ARID3A: variants seen among roughly 807,000 people sequenced by gnomAD.
ARID3A encodes AT-rich interaction domain 3A.
In ARID3A, 11 loss-of-function variants were observed where a neutral mutation model predicts 52.7. That is an observed-to-expected ratio of 0.21 (90% CI 0.13 to 0.35). The LOEUF (loss-of-function observed/expected upper bound fraction) is 0.35. Ranked by LOEUF, ARID3A falls within the 10% of genes least tolerant of loss-of-function variation. ARID3A has a pLI of 1.00. For missense variants in ARID3A, 721 were observed against 838.5 expected (o/e 0.86, Z 1.73); for synonymous variants, 404 against 359.4 (o/e 1.12, Z -1.40).
chr19:957,032 G>A (rs373415186), intron 3 of ARID3A, among the ~76,000 whole-genome samples: 9 of 152,154 alleles, frequency 5.9e-5, no homozygotes, highest in Admixed American at 5.2e-4. Flanking sequence ...GCTCCTCCTC[G>A]GCAAATTGGC....
intron 1 of ARID3A, among the ~76,000 whole-genome samples, chr19:926,604 C>G (rs2037204831): frequency 6.6e-6 from 1 of 151,824 alleles, no homozygotes; most frequent in Admixed American, 6.5e-5. Context: ...GCCTCCCCAG[C>G]CGGGCTGGTT....
In ARID3A at chr19:964,188, A is replaced by G; in HGVS notation, c.767-60A>G. 2.1e-6 allele frequency: 3 copies of G among 1,443,776 alleles called. No individual in the cohort carries two copies. Among genetic ancestry groups the G allele is most frequent in the Non-Finnish European group, 2.9e-6 (3 of 1,047,270 alleles). The allele number at this position is 1,443,776 out of a possible 1,614,324, so 89.4% of individuals were successfully genotyped here. ...TGGCATGGAGAGGGCGGAGGCCAGGACACTCGGCTCCCTGCAGTGCCCAGG... is the reference window on the plus strand; with the variant it reads ...TGGCATGGAGAGGGCGGAGGCCAGGGCACTCGGCTCCCTGCAGTGCCCAGG... On this transcript the variant is annotated intron_variant, in intron 4 of 8. Coordinates refer to ENST00000263620, the MANE Select transcript of ARID3A (RefSeq NM_005224.3). The surrounding 1 kb of genome is among the most constrained non-coding windows in gnomAD (Gnocchi z 5.7).
At chr19:945,744 G>T (rs2145400362) in intron 3 of ARID3A, among the ~76,000 whole-genome samples, 1 of 152,330 alleles carries the variant, frequency 6.6e-6, no homozygotes, top group Admixed American at 6.5e-5. Flanking sequence ...CCATTGTGGG[G>T]ACGGCGTCGA....
chr19:964,052 G>T lies in ARID3A; in HGVS notation c.767-196G>T, dbSNP rs1469988714. On this transcript the variant is annotated intron_variant, in intron 4 of 8. Transcript: ENST00000263620. The surrounding 1 kb of genome is among the most constrained non-coding windows in gnomAD (Gnocchi z 5.7). Reference sequence around the variant, plus strand: ...AAACCGAGGCAGAGCTGCCCCCTCTGCACCCTCTCGAGCAGAGGTTCCCAG... The same window carrying T: ...AAACCGAGGCAGAGCTGCCCCCTCTTCACCCTCTCGAGCAGAGGTTCCCAG... 1.3e-5 allele frequency among the ~76,000 whole-genome samples: 2 copies of T among 152,196 alleles called. No individual in the cohort carries two copies. The highest frequency in any genetic ancestry group is 2.9e-5 in the Non-Finnish European group (2 of 68,032).
intron 2 of ARID3A, among the ~76,000 whole-genome samples, chr19:932,018 G>C (rs1252188866): frequency 6.6e-6 from 1 of 150,960 alleles, no homozygotes; most frequent in Non-Finnish European, 1.5e-5. Flanking sequence ...TTTTTCCCAA[G>C]AGAGTCTTGC....
At chr19:952,264 G>T (rs1395058522) in intron 3 of ARID3A, among the ~76,000 whole-genome samples, 1 of 151,602 alleles carries the variant, frequency 6.6e-6, no homozygotes, top group African/African-American at 2.4e-5. Context: ...GGGCAACATA[G>T]CAAGACCCCA....
intron 2 of ARID3A, among the ~76,000 whole-genome samples, chr19:931,906 C>T (rs1377362745): frequency 6.7e-6 from 1 of 149,642 alleles, no homozygotes; most frequent in East Asian, 1.9e-4. Context: ...TTTCAGATGG[C>T]GGTGGGAGAA....
At chr19:961,189 C>G (rs1253182460) in intron 4 of ARID3A, among the ~76,000 whole-genome samples, 2 of 152,150 alleles carry the variant, frequency 1.3e-5, no homozygotes. Flanking sequence ...AGGGCTCTGT[C>G]CCTGCACTTG....
chr19:952,087 G>T (rs955183553), intron 3 of ARID3A, among the ~76,000 whole-genome samples: 1 of 152,106 alleles, frequency 6.6e-6, no homozygotes, highest in Admixed American at 6.5e-5. Context: ...GTTGCAGTGA[G>T]CTGAGGTCAC....
chr19:934,445 G>C (rs1382529032), intron 3 of ARID3A, among the ~76,000 whole-genome samples: 1 of 152,230 alleles, frequency 6.6e-6, no homozygotes, highest in Non-Finnish European at 1.5e-5. Context: ...CCTTGTCTGG[G>C]CGACACCGCG....
chr19:952,874 A>G (rs2037832016), intron 3 of ARID3A, among the ~76,000 whole-genome samples: 2 of 151,970 alleles, frequency 1.3e-5, no homozygotes, highest in South Asian at 2.1e-4. Flanking sequence ...ACCTGGTGGG[A>G]GTGCCCAGGT....
chr19:930,550 C>T (rs1384383802), intron 2 of ARID3A, among the ~76,000 whole-genome samples: 2 of 149,130 alleles, frequency 1.3e-5, no homozygotes, highest in Non-Finnish European at 3.0e-5. Context: ...GCTCTTTTCG[C>T]CCAGGCTGGA....
rs1049413531 is a variant in ARID3A at position 947,808 on chromosome 19, G to A, written c.694-12284G>A. Among the ~76,000 whole-genome samples, 33 of 152,346 alleles carry A rather than the reference G, an allele frequency of 2.2e-4. No individual in the cohort carries two copies. Among genetic ancestry groups the A allele is most frequent in the Admixed American group, 1.4e-3 (22 of 15,306 alleles). On this transcript the variant is annotated intron_variant, in intron 3 of 8. Coordinates refer to ENST00000263620, the MANE Select transcript of ARID3A (RefSeq NM_005224.3). This position sits in a 1 kb window ranked among gnomAD's most constrained non-coding sequence, Gnocchi z 6.3. ...AGGGGACTCGGGGCCCATCAGGGCC[G>A]GGGGAGTGGAGCCGGCAGATGTTCG...
In ARID3A at chr19:960,172, C is replaced by T. The variant is rs2038008977; in HGVS notation, c.766+8C>T. 1.2e-6 allele frequency: 2 copies of T among 1,608,204 alleles called. No homozygotes were observed. The highest frequency in any genetic ancestry group is 1.3e-5 in the African/African-American group (1 of 74,688). The stretch of plus-strand genomic sequence containing the variant: ...GCTTCATGCAGAAGCGAGGTGAGCC[C>T]TCTGCCCCCACCCCGCTGGAGGGAG... On this transcript the variant is annotated splice_region_variant and intron_variant, in intron 4 of 8. Transcript: ENST00000263620. This position sits in a 1 kb window ranked among gnomAD's most constrained non-coding sequence, Gnocchi z 4.3.
In ARID3A at chr19:929,833, C is replaced by G; in HGVS notation, c.305C>G (p.Pro102Arg). The G allele has an allele frequency of 6.5e-7, 1 of 1,545,266 alleles. No homozygotes were observed. ...DAAREGTPGSPGRGREGPGEE... is the reference protein window; with the variant it reads ...DAAREGTPGSRGRGREGPGEE... ...GCCCGGGAGGGGACACCGGGCTCAC[C>G]CGGGCGAGGCAGAGAAGGGCCAGGA... The change falls in exon 2 of 9, where the codon CCC (proline) becomes CGC (arginine). Residue 102 changes from proline to arginine, a missense_variant. Pro to Arg is a moderately radical substitution (Grantham distance 103, BLOSUM62 -2). Around this residue, in one of 5 missense-constraint regions of ARID3A, gnomAD observed 349 missense variants for 297.3 expected, o/e 1.17. Transcript: ENST00000263620. This position sits in a 1 kb window ranked among gnomAD's most constrained non-coding sequence, Gnocchi z 6.2.
At chr19:931,013 G>T (rs2037315656) in intron 2 of ARID3A, among the ~76,000 whole-genome samples, 1 of 152,286 alleles carries the variant, frequency 6.6e-6, no homozygotes, top group South Asian at 2.1e-4. Flanking sequence ...AAGCAAAGAT[G>T]CTGGGCGCAG....
At chr19:970,293 A>G (rs1247374136) in intron 8 of ARID3A, among the ~76,000 whole-genome samples, 2 of 151,952 alleles carry the variant, frequency 1.3e-5, no homozygotes, top group African/African-American at 4.8e-5. Flanking sequence ...AGCCTGTGCA[A>G]TGGAGCAAGA....
intron 3 of ARID3A, among the ~76,000 whole-genome samples, chr19:956,035 C>T (rs779437134): frequency 2.0e-5 from 3 of 152,168 alleles, no homozygotes; most frequent in Admixed American, 6.5e-5. Flanking sequence ...TCTGTGCGAC[C>T]GTCTCCAGTG....
In ARID3A at chr19:966,874, G is replaced by A. The variant is rs374242883; in HGVS notation, c.1495+6G>A. On this transcript the variant is annotated splice_donor_region_variant and intron_variant, in intron 7 of 8. Transcript: ENST00000263620. ...CATTCGGATCAACAGCCAAGGTACT[G>A]CCCTCGTGCCCAGACCCGCTGTGCT... 2.3e-4 allele frequency: 365 copies of A among 1,597,330 alleles called. 3 individuals are homozygous for A. In the South Asian group the frequency reaches 3.4e-3, roughly 15 times the overall value.
Sources: allele counts gnomAD v4.1 joint callset (sites outside exome capture counted in the v4.1 genomes callset), GRCh38; gene constraint gnomAD v4.1.1; regional missense constraint gnomAD v4.1.1; non-coding constraint Gnocchi (gnomAD v3.1); transcripts MANE v1.5; gene names NCBI Gene and HGNC (gene_info 2026-07-23, HGNC 2026-07-21).